NR0B2: variants seen among roughly 807,000 people sequenced by gnomAD.
NR0B2 encodes nuclear receptor SHP.
NR0B2 carries 17 observed loss-of-function variants against 18.9 expected under a neutral mutation model. The ratio of observed to expected loss-of-function variants is 0.90; its 90% CI spans 0.62 to 1.35. NR0B2 has a LOEUF of 1.35. NR0B2 is among the 40% of genes most tolerant of loss of function. The pLI, the probability that NR0B2 is intolerant of heterozygous loss-of-function variation, is 0.00. For missense variants in NR0B2, 312 were observed against 333.3 expected (o/e 0.94, Z 0.50); for synonymous variants, 116 against 138.5 (o/e 0.84, Z 1.14).
At chr1:26,912,528 T>A (rs1389836967) in intron 1 of NR0B2, among the ~76,000 whole-genome samples, 1 of 152,142 alleles carries the variant, frequency 6.6e-6, no homozygotes, top group East Asian at 1.9e-4. Flanking sequence ...GATATGAGTA[T>A]TTGCTACTAT....
chr1:26,911,930 C>T lies in NR0B2; in HGVS notation c.689G>A (p.Ser230Asn). 1 of 1,614,246 alleles carries T rather than the reference C, an allele frequency of 6.2e-7. No homozygotes were observed. Among genetic ancestry groups the T allele is most frequent in the Non-Finnish European group, 8.5e-7 (1 of 1,180,042 alleles). The change falls in exon 2 of 2, where the codon AGC becomes AAC. Residue 230 changes from serine (S) to asparagine (N), a missense_variant. Ser to Asn is a conservative substitution (Grantham distance 46, BLOSUM62 1). Coordinates refer to ENST00000254227, the MANE Select transcript of NR0B2 (RefSeq NM_021969.3). Reference protein sequence around the residue: ...TASTLKSIPTSLLGDLFFRPI... With the variant: ...TASTLKSIPTNLLGDLFFRPI... ...GCGAAAGAAGAGGTCCCCAAGCAGGCTGGTCGGAATGGACTTGAGGGTGGA... is the reference window on the plus strand; with the variant it reads ...GCGAAAGAAGAGGTCCCCAAGCAGGTTGGTCGGAATGGACTTGAGGGTGGA...
At chr1:26,912,181 C>A in intron 1 of NR0B2, 95 bp from the exon 2 acceptor site, 2 of 1,480,524 alleles carry the variant, frequency 1.4e-6, no homozygotes, top group Admixed American at 2.0e-5. Flanking sequence ...CAGAGACACC[C>A]CTCTGCCTCC....
In NR0B2 at chr1:26,913,519, G is replaced by T; in HGVS notation, c.422C>A (p.Pro141His). 1 of 1,613,402 alleles carries T rather than the reference G, an allele frequency of 6.2e-7. No individual in the cohort carries two copies. ...AAGCCACTGCACCGCAGCCAGGGAG[G>T]GCTGGGGTCTGTCTGGCAGTTGGCC... ...GSGQLPDRPQ[P>H]SLAAVQWLQC... is the part of the protein sequence containing the mutation. The change falls in exon 1 of 2, where the codon CCC becomes CAC. Residue 141 changes from proline to histidine, a missense_variant. Coordinates refer to ENST00000254227, the MANE Select transcript of NR0B2 (RefSeq NM_021969.3).
In NR0B2 at chr1:26,911,776, T is replaced by C; in HGVS notation, c.*69A>G. The stretch of plus-strand genomic sequence containing the variant: ...CCCTCCAGGAGCATTGGGTCACCTC[T>C]GGGGATGGCCAGGCTGAATCAGCAC... On this transcript the variant is annotated 3_prime_UTR_variant, in exon 2 of 2. Coordinates refer to ENST00000254227, the MANE Select transcript of NR0B2 (RefSeq NM_021969.3). 6.2e-7 allele frequency: 1 copy of C among 1,606,794 alleles called. No individual in the cohort carries two copies. The highest frequency in any genetic ancestry group is 1.3e-5 in the African/African-American group (1 of 74,934).
At position 26,913,408 on chromosome 1, in the gene NR0B2, C is replaced by T. The variant is rs756837680; in HGVS notation, c.532+1G>A. 9 of 1,614,072 alleles carry T rather than the reference C, an allele frequency of 5.6e-6. No individual in the cohort carries two copies. In the South Asian group the frequency reaches 9.9e-5, roughly 18 times the overall value. ...CCACCCAGGAGTGTCTGGGAGCTCA[C>T]CGGGGTTGAAGAGGATGGTCCCTTT... is the stretch of plus-strand genomic sequence containing the variant. On this transcript the variant is annotated splice_donor_variant, in intron 1 of 1. Transcript: ENST00000254227. LOFTEE classifies it high-confidence loss of function.
chr1:26,913,581 C>A lies in NR0B2; in HGVS notation c.360G>T (p.Lys120Asn). The change falls in exon 1 of 2, where the codon AAG becomes AAT. Residue 120 changes from lysine (K) to asparagine (N), a missense_variant. Transcript: ENST00000254227. Reference protein sequence around the residue: ...AEAPVPSILKKILLEEPSSSG... With the variant: ...AEAPVPSILKNILLEEPSSSG... ...TGCTGCTGGGCTCCTCCAGCAGAAT[C>A]TTCTTGAGTATGCTGGGCACCGGGG... The A allele has an allele frequency of 6.2e-7, 1 of 1,614,150 alleles. No homozygotes were observed.
Position 26,913,525 on chromosome 1 carries a change from G to T in NR0B2, c.416C>A (p.Pro139His), listed in dbSNP as rs1215169942. ...CTGCACCGCAGCCAGGGAGGGCTGG[G>T]GTCTGTCTGGCAGTTGGCCACTGCC... ...SGGSGQLPDRPQPSLAAVQWL... is the reference protein window; with the variant it reads ...SGGSGQLPDRHQPSLAAVQWL... Residue 139 changes from proline (P) to histidine (H), a missense_variant, in exon 1 of 2, where the codon CCC becomes CAC. Pro to His is a moderately conservative substitution (Grantham distance 77). Transcript: ENST00000254227. 23 of 1,613,446 alleles carry T rather than the reference G, an allele frequency of 1.4e-5. No individual in the cohort carries two copies. The highest frequency in any genetic ancestry group is 1.8e-5 in the Non-Finnish European group (21 of 1,179,560).
In NR0B2 at chr1:26,913,547, T is replaced by C; in HGVS notation, c.394A>G (p.Ser132Gly). ...LLEEPSSSGG[S>G]GQLPDRPQPS... ...TGGGGTCTGTCTGGCAGTTGGCCAC[T>C]GCCTCCACTGCTGCTGGGCTCCTCC... Residue 132 changes from serine to glycine, a missense_variant, in exon 1 of 2, where the codon AGT becomes GGT. Physicochemically the swap from Ser to Gly is moderately conservative, Grantham distance 56 (BLOSUM62 0). Coordinates refer to ENST00000254227, the MANE Select transcript of NR0B2 (RefSeq NM_021969.3). The C allele has an allele frequency of 6.2e-7, 1 of 1,614,056 alleles. No individual in the cohort carries two copies. Among genetic ancestry groups the C allele is most frequent in the Non-Finnish European group, 8.5e-7 (1 of 1,179,936 alleles).
In NR0B2 at chr1:26,911,936, G is replaced by A. The variant is rs746783997; in HGVS notation, c.683C>T (p.Pro228Leu). 6.2e-6 allele frequency: 10 copies of A among 1,614,112 alleles called. No individual in the cohort carries two copies. The highest frequency in any genetic ancestry group is 2.7e-5 in the African/African-American group (2 of 74,924). Residue 228 changes from proline to leucine, a missense_variant, in exon 2 of 2, where the codon CCG becomes CTG. Physicochemically the swap from Pro to Leu is moderately conservative, Grantham distance 98 (BLOSUM62 -3). Transcript: ENST00000254227. Reference protein sequence around the residue: ...LLTASTLKSIPTSLLGDLFFR... With the variant: ...LLTASTLKSILTSLLGDLFFR... ...GAAGAGGTCCCCAAGCAGGCTGGTC[G>A]GAATGGACTTGAGGGTGGAGGCCGT...
chr1:26,913,709 G>A lies in NR0B2; in HGVS notation c.232C>T (p.Gln78Ter). The change falls in exon 1 of 2, where the codon CAG (glutamine) becomes TAG (stop). Residue 78 changes from glutamine (Q) to a stop codon, truncating the protein, a stop_gained. Transcript: ENST00000254227. LOFTEE classifies it high-confidence loss of function. Reference protein sequence around the residue: ...AFLRNLPSFWQLPPQDQRRLL... With the variant: ...AFLRNLPSFW ...CGCCGCTGGTCCTGGGGAGGCAGCTGCCAGAAGGATGGCAGGTTCCTGAGG... is the reference window on the plus strand; with the variant it reads ...CGCCGCTGGTCCTGGGGAGGCAGCTACCAGAAGGATGGCAGGTTCCTGAGG... 6.2e-7 allele frequency: 1 copy of A among 1,609,424 alleles called. No individual in the cohort carries two copies. The highest frequency in any genetic ancestry group is 2.2e-5 in the East Asian group (1 of 44,742).
chr1:26,911,726 C>T lies in NR0B2; in HGVS notation c.*119G>A. ...GAGTGAAGAGCTGTTCCTAAGGAGC[C>T]AAGTGCTGTCTATACAGGCTTGCCC... On this transcript the variant is annotated 3_prime_UTR_variant, in exon 2 of 2. Coordinates refer to ENST00000254227, the MANE Select transcript of NR0B2 (RefSeq NM_021969.3). The T allele has an allele frequency of 8.4e-7, 1 of 1,194,108 alleles. No homozygotes were observed. The highest frequency in any genetic ancestry group is 1.9e-4 in the Middle Eastern group (1 of 5,210). The allele number at this position is 1,194,108 out of a possible 1,614,324, so 74.0% of individuals were successfully genotyped here.
Position 26,911,920 on chromosome 1 carries a change from C to T in NR0B2, c.699G>A (p.Gly233=). 1 of 1,614,152 alleles carries T rather than the reference C, an allele frequency of 6.2e-7. No homozygotes were observed. Among genetic ancestry groups the T allele is most frequent in the Non-Finnish European group, 8.5e-7 (1 of 1,180,032 alleles). ...CAATGATAGGGCGAAAGAAGAGGTC[C>T]CCAAGCAGGCTGGTCGGAATGGACT... ...TLKSIPTSLL[G]DLFFRPIIGD... The change falls in exon 2 of 2, where the codon GGG becomes GGA. Residue 233 remains glycine (G), a synonymous_variant. Transcript: ENST00000254227.
In NR0B2 at chr1:26,913,392, A is replaced by C; in HGVS notation, c.532+17T>G. 6.2e-7 allele frequency: 1 copy of C among 1,612,752 alleles called. No individual in the cohort carries two copies. Among genetic ancestry groups the C allele is most frequent in the Non-Finnish European group, 8.5e-7 (1 of 1,178,764 alleles). On this transcript the variant is annotated intron_variant, in intron 1 of 1. Transcript: ENST00000254227. ...GCTTCAGCCTTGCCCCCCACCCAGG[A>C]GTGTCTGGGAGCTCACCGGGGTTGA...
Position 26,911,828 on chromosome 1 carries a change from G to T in NR0B2, c.*17C>A. On this transcript the variant is annotated 3_prime_UTR_variant, in exon 2 of 2. Transcript: ENST00000254227. ...GCCAGCCTCTGCCCACCTGATCTCTGCCTGGGCTGGAACAGGTCACCTGAG... is the reference window on the plus strand; with the variant it reads ...GCCAGCCTCTGCCCACCTGATCTCTTCCTGGGCTGGAACAGGTCACCTGAG... 1.2e-6 allele frequency: 2 copies of T among 1,614,084 alleles called. No individual in the cohort carries two copies. Among genetic ancestry groups the T allele is most frequent in the Non-Finnish European group, 1.7e-6 (2 of 1,179,998 alleles).
chr1:26,913,888 G>C lies in NR0B2; in HGVS notation c.53C>G (p.Pro18Arg). 2 of 1,487,126 alleles carry C rather than the reference G, an allele frequency of 1.3e-6. No individual in the cohort carries two copies. Among genetic ancestry groups the C allele is most frequent in the Non-Finnish European group, 1.8e-6 (2 of 1,116,616 alleles). 92.1% of individuals were successfully genotyped at this position (1,487,126 alleles called of 1,614,324 possible). Residue 18 changes from proline to arginine, a missense_variant, in exon 1 of 2, where the codon CCC becomes CGC. Transcript: ENST00000254227. ...ACPCQGAASR[P>R]AILYALLSSS... ...GCTCAGAAGTGCGTAGAGAATGGCG[G>C]GGCGGCTTGCAGCTCCCTGGCATGG...
chr1:26,913,841 G>C lies in NR0B2; in HGVS notation c.100C>G (p.Arg34Gly), dbSNP rs74315349. The change falls in exon 1 of 2, where the codon CGA (arginine) becomes GGA (glycine). Residue 34 changes from arginine (R) to glycine (G), a missense_variant. Coordinates refer to ENST00000254227, the MANE Select transcript of NR0B2 (RefSeq NM_021969.3). ...CTACATAGGCAGCGGCTACGGGGTCGGGGGACAGCCTTGAGGCTGGAGCTC... is the reference window on the plus strand; with the variant it reads ...CTACATAGGCAGCGGCTACGGGGTCCGGGGACAGCCTTGAGGCTGGAGCTC... ...LLSSSLKAVP[R>G]PRSRCLCRQH... 1.4e-4 allele frequency: 217 copies of C among 1,509,228 alleles called. No homozygotes were observed. The highest frequency in any genetic ancestry group is 1.5e-4 in the Non-Finnish European group (172 of 1,127,966). The allele number at this position is 1,509,228 out of a possible 1,614,324, so 93.5% of individuals were successfully genotyped here. A position where few individuals can be genotyped will look rare whatever the true frequency, so the allele number is the denominator to read the frequency against.
chr1:26,912,195 G>A, intron 1 of NR0B2, 109 bp from the exon 2 acceptor site: 1 of 1,406,522 alleles, frequency 7.1e-7, no homozygotes, highest in South Asian at 1.3e-5. Context: ...TGCCTCCTTT[G>A]CTCGGCCTTT....
chr1:26,913,878 G>A lies in NR0B2; in HGVS notation c.63C>T (p.Leu21=), dbSNP rs1264265113. 2 of 1,494,140 alleles carry A rather than the reference G, an allele frequency of 1.3e-6. No homozygotes were observed. The highest frequency in any genetic ancestry group is 2.8e-5 in the African/African-American group (2 of 71,408). The allele number at this position is 1,494,140 out of a possible 1,614,324, so 92.6% of individuals were successfully genotyped here. Residue 21 remains leucine (L), a synonymous_variant, in exon 1 of 2, where the codon CTC becomes CTT. Transcript: ENST00000254227. The stretch of plus-strand genomic sequence containing the variant: ...TGAGGCTGGAGCTCAGAAGTGCGTA[G>A]AGAATGGCGGGGCGGCTTGCAGCTC... ...CQGAASRPAI[L]YALLSSSLKA...
rs376540135 is a variant in NR0B2 at position 26,913,631 on chromosome 1, C to G, written c.310G>C (p.Ala104Pro). Residue 104 changes from alanine (A) to proline (P), a missense_variant, in exon 1 of 2, where the codon GCT becomes CCT. Coordinates refer to ENST00000254227, the MANE Select transcript of NR0B2 (RefSeq NM_021969.3). The stretch of plus-strand genomic sequence containing the variant: ...GCCTCAGCCACCTCAAAGGTCACAG[C>G]ATCTTGGGCCAACCCAAGCAGGAAG... ...PLFLLGLAQD[A>P]VTFEVAEAPV... The G allele has an allele frequency of 8.7e-5, 140 of 1,613,918 alleles. No individual in the cohort carries two copies. Among genetic ancestry groups the G allele is most frequent in the Non-Finnish European group, 1.1e-4 (131 of 1,180,008 alleles).
Sources: gnomAD v4.1 joint callset for allele counts (sites outside exome capture counted in the v4.1 genomes callset) on GRCh38, gnomAD v4.1.1 for gene constraint, MANE v1.5 for transcripts, NCBI Gene and HGNC (gene_info 2026-07-23, HGNC 2026-07-21) for gene names.